The following ZCCHC7 variants were observed in gnomAD, a reference collection of about 807,000 sequenced individuals.
ZCCHC7 encodes zinc finger CCHC-type containing 7, also known as zinc finger CCHC domain-containing protein 7.
A neutral mutation model predicts 52.0 loss-of-function variants in ZCCHC7; 35 were observed. That is an observed-to-expected ratio of 0.67 (90% CI 0.51 to 0.89). The LOEUF (loss-of-function observed/expected upper bound fraction) is 0.89, where lower values mean the gene tolerates loss of function less well. Among genes scored for constraint, ZCCHC7 ranks in the 40% least tolerant of loss-of-function variants. The pLI, the probability that ZCCHC7 is intolerant of heterozygous loss-of-function variation, is 0.00. For synonymous variants in ZCCHC7, 217 were observed against 221.5 expected, an observed-to-expected ratio of 0.98 and a Z score of 0.18; for missense variants, 574 against 649.1, an observed-to-expected ratio of 0.88 and a Z score of 1.26.
chr9:37,275,356 G>A (rs1427823669), intron 2 of ZCCHC7, among the ~76,000 whole-genome samples: 1 of 138,624 alleles, frequency 7.2e-6, no homozygotes, highest in Non-Finnish European at 1.5e-5. Flanking sequence ...ATTCATGGAT[G>A]CATCCAGGAG....
At chr9:37,162,242 T>C (rs1179415081) in intron 2 of ZCCHC7, among the ~76,000 whole-genome samples, 1 of 152,050 alleles carries the variant, frequency 6.6e-6, no homozygotes, top group Non-Finnish European at 1.5e-5. Flanking sequence ...ATGTCAACTA[T>C]AGTATAGTAT....
At chr9:37,311,271 C>T (rs376935824) in intron 5 of ZCCHC7, among the ~76,000 whole-genome samples, 1 of 152,106 alleles carries the variant, frequency 6.6e-6, no homozygotes, top group African/African-American at 2.4e-5. Context: ...CCTAAATTTC[C>T]TACCTTTATT....
intron 5 of ZCCHC7, among the ~76,000 whole-genome samples, chr9:37,305,961 T>C (rs1355253827): frequency 1.3e-5 from 2 of 152,138 alleles, no homozygotes; most frequent in East Asian, 3.8e-4. Context: ...CATTAATAAA[T>C]ATTTTAAGCC....
intron 2 of ZCCHC7, among the ~76,000 whole-genome samples, chr9:37,279,998 C>CA (rs1218634338): frequency 3.9e-5 from 6 of 151,922 alleles, no homozygotes; most frequent in Non-Finnish European, 8.8e-5. Flanking sequence ...ACTAAAAATA[C>CA]AAAAAATTAG....
At chr9:37,259,717 A>G (rs913210569) in intron 2 of ZCCHC7, among the ~76,000 whole-genome samples, 4 of 151,904 alleles carry the variant, frequency 2.6e-5, no homozygotes, top group Non-Finnish European at 5.9e-5. Context: ...ATACAGGGGT[A>G]TTTAAATATT....
chr9:37,200,067 A>G (rs2133157073), intron 2 of ZCCHC7, among the ~76,000 whole-genome samples: 1 of 152,230 alleles, frequency 6.6e-6, no homozygotes, highest in Non-Finnish European at 1.5e-5. Flanking sequence ...CGCCACCATT[A>G]TTAAATGCTT....
chr9:37,195,202 C>A (rs191420963), intron 2 of ZCCHC7, among the ~76,000 whole-genome samples: 1 of 152,192 alleles, frequency 6.6e-6, no homozygotes, highest in East Asian at 1.9e-4. Context: ...CCACCTCAGC[C>A]TCCCAAAGTG....
At chr9:37,212,128 G>A (rs2133219895) in intron 2 of ZCCHC7, among the ~76,000 whole-genome samples, 1 of 146,970 alleles carries the variant, frequency 6.8e-6, no homozygotes, top group South Asian at 2.2e-4. Context: ...GATAATGTCT[G>A]GAGACATTTT....
chr9:37,347,598 T>C (rs537277152), intron 6 of ZCCHC7, among the ~76,000 whole-genome samples: 6 of 152,202 alleles, frequency 3.9e-5, no homozygotes, highest in Non-Finnish European at 5.9e-5. Flanking sequence ...CAATATCCTG[T>C]GTGCTGTTTC....
intron 2 of ZCCHC7, among the ~76,000 whole-genome samples, chr9:37,157,119 A>T (rs1278983481): frequency 4.6e-5 from 7 of 151,114 alleles, no homozygotes. Context: ...AAAACTGCTG[A>T]TGCCTCAGCA....
chr9:37,306,554 C>T (rs1829317620), intron 5 of ZCCHC7, among the ~76,000 whole-genome samples: 2 of 151,414 alleles, frequency 1.3e-5, no homozygotes, highest in Non-Finnish European at 2.9e-5. Context: ...CAACCTCCAA[C>T]TCCTGGGTTC....
intron 6 of ZCCHC7, among the ~76,000 whole-genome samples, chr9:37,341,142 T>C (rs1410639573): frequency 2.6e-5 from 4 of 152,186 alleles, no homozygotes; most frequent in Non-Finnish European, 5.9e-5. Context: ...AAGACTGAGT[T>C]CCTGTTCACT....
intron 6 of ZCCHC7, among the ~76,000 whole-genome samples, chr9:37,345,323 T>TG (rs2118543238): frequency 6.6e-6 from 1 of 152,350 alleles, no homozygotes; most frequent in African/African-American, 2.4e-5. Flanking sequence ...GCTGTCTTTG[T>TG]GGGTGGAAAA....
At chr9:37,161,691 G>A (rs989324624) in intron 2 of ZCCHC7, among the ~76,000 whole-genome samples, 7 of 152,152 alleles carry the variant, frequency 4.6e-5, no homozygotes, top group African/African-American at 1.4e-4. Flanking sequence ...ATATGTCAAC[G>A]TATGTTCACT....
chr9:37,349,504 T>C (rs1010721119), intron 7 of ZCCHC7, 52 bp downstream of exon 7: 2 of 1,522,050 alleles, frequency 1.3e-6, no homozygotes, highest in African/African-American at 2.8e-5. Flanking sequence ...AGGGAGTGTT[T>C]TCTGAAAGAT....
chr9:37,218,704 G>A (rs1824647514), intron 2 of ZCCHC7, among the ~76,000 whole-genome samples: 1 of 152,194 alleles, frequency 6.6e-6, no homozygotes, highest in Admixed American at 6.5e-5. Flanking sequence ...AGCTACTCAG[G>A]AGGCTGAAGC....
At position 37,356,928 on chromosome 9, in the gene ZCCHC7, G is replaced by A. The variant is rs760146756; in HGVS notation, c.1292G>A (p.Arg431His). 50 of 1,613,676 alleles carry A rather than the reference G, an allele frequency of 3.1e-5. No homozygotes were observed. The highest frequency in any genetic ancestry group is 1.6e-4 in the Middle Eastern group (1 of 6,082). ...ENPHHDIRKG[R>H]ASWKSNRWPQ... ...CCCCACCATGATATAAGGAAGGGCC[G>A]TGCCTCATGGAAAAGCAACAGGTGG... Residue 431 changes from arginine to histidine, a missense_variant, in exon 9 of 9, where the codon CGT becomes CAT. Physicochemically the swap from Arg to His is conservative, Grantham distance 29. Transcript: ENST00000336755.
At chr9:37,201,220 C>A (rs1379590719) in intron 2 of ZCCHC7, among the ~76,000 whole-genome samples, 2 of 152,160 alleles carry the variant, frequency 1.3e-5, no homozygotes, top group African/African-American at 2.4e-5. Flanking sequence ...AGGGCCAGTT[C>A]AATCCATTGT....
At chr9:37,301,151 A>G (rs1238838784) in intron 2 of ZCCHC7, among the ~76,000 whole-genome samples, 2 of 152,250 alleles carry the variant, frequency 1.3e-5, no homozygotes, top group Non-Finnish European at 2.9e-5. Context: ...CATATTTGGT[A>G]GAAATACTTT....
Sources: gnomAD v4.1 joint callset for allele counts (sites outside exome capture counted in the v4.1 genomes callset) on GRCh38, gnomAD v4.1.1 for gene constraint, MANE v1.5 for transcripts, NCBI Gene and HGNC (gene_info 2026-07-23, HGNC 2026-07-21) for gene names.